Variants in SMARCC1 observed in about 807,000 individuals in gnomAD.
SMARCC1 encodes SWI/SNF related BAF chromatin remodeling complex subunit C1, also known as SWI/SNF complex subunit SMARCC1.
A neutral mutation model predicts 147.4 loss-of-function variants in SMARCC1; 43 were observed. The observed-to-expected ratio is 0.29, with a 90% CI of 0.23 to 0.38. The LOEUF is 0.38. Ranked by LOEUF, SMARCC1 falls within the 10% of genes least tolerant of loss-of-function variation. SMARCC1 has a pLI of 1.00. For missense variants in SMARCC1, 1,119 were observed against 1,381.1 expected (o/e 0.81, Z 3.01); for synonymous variants, 495 against 484.4 (o/e 1.02, Z -0.29).
chr3:47,647,413 T>C (rs113646260), intron 21 of SMARCC1, among the ~76,000 whole-genome samples: 8 of 152,194 alleles, frequency 5.3e-5, no homozygotes, highest in South Asian at 2.1e-4. Context: ...TCTGAGCATG[T>C]TGAAGGTAGA....
At chr3:47,702,254 G>C (rs1383765200) in intron 10 of SMARCC1, among the ~76,000 whole-genome samples, 1 of 145,348 alleles carries the variant, frequency 6.9e-6, no homozygotes, top group Admixed American at 6.9e-5. Context: ...AAACCCCAGT[G>C]ATGATTCTTT....
At chr3:47,609,866 C>T (rs2032537653) in intron 26 of SMARCC1, among the ~76,000 whole-genome samples, 200 bp downstream of exon 26, 1 of 152,138 alleles carries the variant, frequency 6.6e-6, no homozygotes, top group Non-Finnish European at 1.5e-5. Context: ...AACAAAAAGG[C>T]ATCATACCAA....
intron 10 of SMARCC1, among the ~76,000 whole-genome samples, chr3:47,702,276 T>C (rs2033931790): frequency 1.4e-5 from 2 of 147,110 alleles, no homozygotes; most frequent in Non-Finnish European, 3.0e-5. Flanking sequence ...CCTTTAGGGA[T>C]TACAAGGGAT....
chr3:47,781,854 G>T lies in SMARCC1; in HGVS notation c.-57C>A, dbSNP rs1026449077. 22 of 1,188,578 alleles carry T rather than the reference G, an allele frequency of 1.9e-5. No individual in the cohort carries two copies. In the Admixed American group the frequency reaches 6.9e-4, roughly 37 times the overall value. The allele number at this position is 1,188,578 out of a possible 1,614,324, so 73.6% of individuals were successfully genotyped here. A position where few individuals can be genotyped will look rare whatever the true frequency, so the allele number is the denominator to read the frequency against. On this transcript the variant is annotated 5_prime_UTR_variant, in exon 1 of 28. Transcript: ENST00000254480. Reference sequence around the variant, plus strand: ...CACCCCGGCCCTCGCGGTGTTTCCCGGTCGTTCCCGCGCGCACCCCCGCGC... The same window carrying T: ...CACCCCGGCCCTCGCGGTGTTTCCCTGTCGTTCCCGCGCGCACCCCCGCGC...
At position 47,775,725 on chromosome 3, in the gene SMARCC1, T is replaced by G. The variant is rs193184614; in HGVS notation, c.196-2789A>C. Among the ~76,000 whole-genome samples the G allele has an allele frequency of 7.5e-4, 113 of 151,604 alleles. 2 individuals carry two copies. The highest frequency in any genetic ancestry group is 2.7e-3 in the African/African-American group (111 of 41,314). On this transcript the variant is annotated intron_variant, in intron 1 of 27. Coordinates refer to ENST00000254480, the MANE Select transcript of SMARCC1 (RefSeq NM_003074.4). ...AGGCGCAGGCTGTAGCGAACCCAGA[T>G]CGCGATCGTGCCACCGCACTCCAGC... is the stretch of plus-strand genomic sequence containing the variant.
chr3:47,638,151 C>T (rs1321166422), intron 22 of SMARCC1, among the ~76,000 whole-genome samples: 5 of 152,076 alleles, frequency 3.3e-5, no homozygotes, highest in East Asian at 1.9e-4. Flanking sequence ...AGTGCAGTGG[C>T]GCGATCTCGG....
intron 26 of SMARCC1, among the ~76,000 whole-genome samples, chr3:47,591,129 G>T (rs1290921977): frequency 6.6e-6 from 1 of 152,164 alleles, no homozygotes; most frequent in African/African-American, 2.4e-5. Flanking sequence ...ACTCACTCTG[G>T]TTAGTTTGGG....
intron 2 of SMARCC1, among the ~76,000 whole-genome samples, chr3:47,746,641 C>T (rs2034566930): frequency 6.6e-6 from 1 of 151,440 alleles, no homozygotes; most frequent in Admixed American, 6.6e-5. Flanking sequence ...ATTCCATAAA[C>T]ATATTATAAT....
chr3:47,752,690 T>C (rs555035360), intron 2 of SMARCC1, among the ~76,000 whole-genome samples: 1 of 152,102 alleles, frequency 6.6e-6, no homozygotes, highest in African/African-American at 2.4e-5. Flanking sequence ...CCCAGTAGGC[T>C]GAGTCAGGAG....
intron 16 of SMARCC1, 57 bp downstream of exon 16, chr3:47,678,141 A>G (rs1433541819): frequency 2.2e-6 from 2 of 919,060 alleles, no homozygotes; most frequent in Non-Finnish European, 3.4e-6. Context: ...AACATTAGAC[A>G]GCATGCATAA....
intron 11 of SMARCC1, 25 bp from the exon 12 acceptor site, chr3:47,693,325 T>C (rs770767686): frequency 1.6e-5 from 22 of 1,369,300 alleles, no homozygotes; most frequent in African/African-American, 5.7e-5. Context: ...AAAAGAGTTA[T>C]GTTTATGTGG....
intron 9 of SMARCC1, among the ~76,000 whole-genome samples, chr3:47,707,629 T>C (rs2034009952): frequency 6.6e-6 from 1 of 152,126 alleles, no homozygotes; most frequent in Admixed American, 6.6e-5. Flanking sequence ...ATCCCAGCAC[T>C]TTGGGAGGCC....
At chr3:47,623,385 A>G (rs2032764198) in intron 24 of SMARCC1, among the ~76,000 whole-genome samples, 1 of 152,136 alleles carries the variant, frequency 6.6e-6, no homozygotes, top group Non-Finnish European at 1.5e-5. Context: ...CCTAGGAGCA[A>G]CCATGCAACT....
At chr3:47,661,565 AAC>A in intron 20 of SMARCC1, 110 bp from the exon 21 acceptor site, 2 of 776,410 alleles carry the variant, frequency 2.6e-6, no homozygotes, top group African/African-American at 3.4e-5. Flanking sequence ...TAGGTGTAGC[AAC>A]CTCTTCAGGC....
At position 47,749,690 on chromosome 3, in the gene SMARCC1, CAAAGTG is replaced by C. The variant is rs1559662220; in HGVS notation, c.316-3703_316-3698del. Among the ~76,000 whole-genome samples the C allele has an allele frequency of 1.8e-4, 27 of 148,976 alleles. 1 individual carries two copies. The highest frequency in any genetic ancestry group is 6.0e-4 in the East Asian group (3 of 4,998). ...AATTAAACACACACACACACACACA[CAAAGTG>C]AGACCCTCTAAATTAAACACACACA... On this transcript the variant is annotated intron_variant, in intron 2 of 27. Coordinates refer to ENST00000254480, the MANE Select transcript of SMARCC1 (RefSeq NM_003074.4).
At chr3:47,670,841 C>T in intron 18 of SMARCC1, 124 bp from the exon 19 acceptor site, 1 of 697,650 alleles carries the variant, frequency 1.4e-6, no homozygotes. Flanking sequence ...CTTTGACTAA[C>T]AGGAATAAAA....
chr3:47,681,440 CAT>C (rs1301280314), intron 14 of SMARCC1, among the ~76,000 whole-genome samples: 1 of 152,108 alleles, frequency 6.6e-6, no homozygotes, highest in African/African-American at 2.4e-5. Context: ...AATTTTATGA[CAT>C]GTTACAGGTC....
chr3:47,661,570 C>A, intron 20 of SMARCC1, 115 bp from the exon 21 acceptor site: 1 of 719,586 alleles, frequency 1.4e-6, no homozygotes, highest in Non-Finnish European at 2.3e-6. Context: ...GTAGCAACCT[C>A]TTCAGGCTCT....
rs2293226 is a variant in SMARCC1 at position 47,585,292 on chromosome 3, G to T, written c.*2917C>A. ...AGTTTATAAACCAGTCTTTAGTTTC[G>T]ATAAAGGATTAACCTCCCCCAACAT... On this transcript the variant is annotated 3_prime_UTR_variant, in exon 28 of 28. Coordinates refer to ENST00000254480, the MANE Select transcript of SMARCC1 (RefSeq NM_003074.4). The T allele has an allele frequency of 6.6e-6, 1 of 152,006 alleles. No homozygotes were observed. Among genetic ancestry groups the T allele is most frequent in the Non-Finnish European group, 1.5e-5 (1 of 68,016 alleles). 9.4% of individuals were successfully genotyped at this position (152,006 alleles called of 1,614,324 possible).
Sources: allele counts gnomAD v4.1 joint callset (sites outside exome capture counted in the v4.1 genomes callset), GRCh38; gene constraint gnomAD v4.1.1; transcripts MANE v1.5; gene names NCBI Gene and HGNC (gene_info 2026-07-23, HGNC 2026-07-21).